ESYT2: variants seen among roughly 807,000 people sequenced by gnomAD.
ESYT2 encodes extended synaptotagmin 2.
A neutral mutation model predicts 107.2 loss-of-function variants in ESYT2; 54 were observed. That is an observed-to-expected ratio of 0.50 (90% CI 0.40 to 0.63). The LOEUF (loss-of-function observed/expected upper bound fraction) is 0.63, where lower values mean the gene tolerates loss of function less well. Among genes scored for constraint, ESYT2 ranks in the 30% least tolerant of loss-of-function variants. The pLI is 0.00. For synonymous variants in ESYT2, 491 were observed against 434.1 expected (o/e 1.13, Z -1.63); for missense variants, 1,020 against 1,094.5 (o/e 0.93, Z 0.96).
intron 14 of ESYT2, among the ~76,000 whole-genome samples, chr7:158,751,150 G>A (rs1198635375): frequency 6.6e-6 from 1 of 151,980 alleles, no homozygotes; most frequent in Non-Finnish European, 1.5e-5. Context: ...ACCTTTTTGG[G>A]GGAGGTTGGC....
intron 1 of ESYT2, among the ~76,000 whole-genome samples, chr7:158,820,034 T>C (rs1370324650): frequency 6.6e-6 from 1 of 152,252 alleles, no homozygotes; most frequent in African/African-American, 2.4e-5. Context: ...ACGTGGGATG[T>C]GCTTCTTACT....
intron 4 of ESYT2, among the ~76,000 whole-genome samples, chr7:158,793,064 G>A (rs1459588048): frequency 2.0e-5 from 3 of 149,130 alleles, no homozygotes; most frequent in South Asian, 2.1e-4. Context: ...CACCACGCCC[G>A]GCCCACTGAG....
intron 1 of ESYT2, among the ~76,000 whole-genome samples, chr7:158,826,003 G>A (rs577153311): frequency 3.4e-5 from 5 of 148,846 alleles, no homozygotes; most frequent in South Asian, 2.1e-4. Context: ...TGGACAACGC[G>A]GTAAGAACTC....
chr7:158,809,555 A>G (rs1192857622), intron 1 of ESYT2, among the ~76,000 whole-genome samples: 1 of 152,108 alleles, frequency 6.6e-6, no homozygotes, highest in Non-Finnish European at 1.5e-5. Context: ...AAGAGGATAT[A>G]AAAATGGCCA....
At chr7:158,822,415 G>A (rs1840310500) in intron 1 of ESYT2, among the ~76,000 whole-genome samples, 1 of 152,114 alleles carries the variant, frequency 6.6e-6, no homozygotes, top group South Asian at 2.1e-4. Flanking sequence ...CTATTGCTAT[G>A]CAATTAAAAT....
chr7:158,816,808 C>T (rs1178766627), intron 1 of ESYT2, among the ~76,000 whole-genome samples: 1 of 152,130 alleles, frequency 6.6e-6, no homozygotes. Flanking sequence ...TGGATAAATT[C>T]CAAGATCTTT....
chr7:158,809,033 TG>T, intron 1 of ESYT2, among the ~76,000 whole-genome samples: 1 of 152,058 alleles, frequency 6.6e-6, no homozygotes, highest in South Asian at 2.1e-4. Flanking sequence ...AATAAGTTTG[TG>T]GGTAGAAGAC....
At chr7:158,747,584 C>T (rs76498376) in intron 16 of ESYT2, among the ~76,000 whole-genome samples, 10,613 of 152,166 alleles carry the variant, frequency 0.07, 778 homozygotes, top group East Asian at 0.41. Flanking sequence ...ATGTGGGGCC[C>T]GCTCGACTCA....
rs371348949 is a variant in ESYT2, at chr7:158,737,043, C to T, written c.2399+5G>A. The T allele has an allele frequency of 1.5e-5, 24 of 1,612,476 alleles. No homozygotes were observed. Among genetic ancestry groups the T allele is most frequent in the African/African-American group, 1.5e-4 (11 of 74,874 alleles). On this transcript the variant is annotated splice_donor_5th_base_variant and intron_variant, in intron 20 of 22. Transcript: ENST00000275418. Reference sequence around the variant, plus strand: ...GTCTATCCTCAGCTGGATAAAATACCGTACCTTTGATCAAACACTGGATTT... The same window carrying T: ...GTCTATCCTCAGCTGGATAAAATACTGTACCTTTGATCAAACACTGGATTT...
chr7:158,820,490 T>C (rs551036808), intron 1 of ESYT2, among the ~76,000 whole-genome samples: 2 of 152,258 alleles, frequency 1.3e-5, no homozygotes, highest in African/African-American at 2.4e-5. Flanking sequence ...TTTTATCAGA[T>C]AAAAAAATAA....
chr7:158,736,243 G>A lies in ESYT2; in HGVS notation c.2400-635C>T, dbSNP rs548510092. On this transcript the variant is annotated intron_variant, in intron 20 of 22. Transcript: ENST00000275418. ...GCACAACCTCATCGGGCTGATGCAC[G>A]CCTGCCAGTTTCTGATGGGTGTTTT... Among the ~76,000 whole-genome samples, 13 of 152,322 alleles carry A rather than the reference G, an allele frequency of 8.5e-5. No homozygotes were observed. The South Asian group carries it at 2.3e-3, about 27-fold the overall frequency.
At chr7:158,741,416 C>G in intron 18 of ESYT2, 107 bp downstream of exon 18, 2 of 1,463,636 alleles carry the variant, frequency 1.4e-6, no homozygotes, top group Non-Finnish European at 1.8e-6. Context: ...CCTCCCTCCC[C>G]AAAGCATGCC....
rs1454389111 is a variant in ESYT2, at chr7:158,787,867, C to G, written c.747+137G>C. 4.8e-6 allele frequency: 3 copies of G among 624,662 alleles called. No individual in the cohort carries two copies. The East Asian group carries it at 8.1e-5, about 17-fold the overall frequency. The allele number at this position is 624,662 out of a possible 1,614,324, so 38.7% of individuals were successfully genotyped here. A position where few individuals can be genotyped will look rare whatever the true frequency, so the allele number is the denominator to read the frequency against. On this transcript the variant is annotated intron_variant, in intron 6 of 22. Transcript: ENST00000275418. ...TTAAGGCACAAAGAAATACAAAAAA[C>G]TCCCACAGGATTCACACAACAGAAA...
chr7:158,793,972 A>G (rs1839383488), intron 3 of ESYT2, among the ~76,000 whole-genome samples: 1 of 152,236 alleles, frequency 6.6e-6, no homozygotes, highest in Non-Finnish European at 1.5e-5. Flanking sequence ...TTAGGTGACA[A>G]AATAAATGTC....
intron 4 of ESYT2, among the ~76,000 whole-genome samples, chr7:158,788,667 T>C (rs912409672): frequency 6.6e-6 from 1 of 152,220 alleles, no homozygotes; most frequent in Non-Finnish European, 1.5e-5. Flanking sequence ...ATGGCTGTGG[T>C]TGTTGTTGGT....
At chr7:158,784,405 C>A (rs1253031302) in intron 6 of ESYT2, among the ~76,000 whole-genome samples, 3 of 152,206 alleles carry the variant, frequency 2.0e-5, no homozygotes, top group Non-Finnish European at 4.4e-5. Flanking sequence ...GTATCTGACC[C>A]AGCTGGAATG....
At chr7:158,818,317 G>A (rs1304210049) in intron 1 of ESYT2, among the ~76,000 whole-genome samples, 1 of 152,224 alleles carries the variant, frequency 6.6e-6, no homozygotes, top group Non-Finnish European at 1.5e-5. Context: ...ATCAAGGCAA[G>A]GAAGAGGAGT....
intron 6 of ESYT2, 125 bp downstream of exon 6, chr7:158,787,879 T>A (rs1839162602): frequency 1.4e-6 from 1 of 690,360 alleles, no homozygotes; most frequent in African/African-American, 1.8e-5. Context: ...CCCACAGGAT[T>A]CACACAACAG....
intron 14 of ESYT2, among the ~76,000 whole-genome samples, chr7:158,752,064 AAC>A (rs1326330704): frequency 6.6e-6 from 1 of 152,234 alleles, no homozygotes; most frequent in African/African-American, 2.4e-5. Flanking sequence ...ACTGGTTAAA[AAC>A]AGTTCCTGTT....
Sources: gnomAD v4.1 joint callset for allele counts (sites outside exome capture counted in the v4.1 genomes callset) on GRCh38, gnomAD v4.1.1 for gene constraint, MANE v1.5 for transcripts, NCBI Gene and HGNC (gene_info 2026-07-23, HGNC 2026-07-21) for gene names.